CDC73: variants seen among roughly 807,000 people sequenced by gnomAD.
CDC73 encodes parafibromin.
Under a neutral mutation model 83.7 loss-of-function variants are expected in CDC73, and 21 were observed. The ratio of observed to expected loss-of-function variants is 0.25; its 90% CI spans 0.18 to 0.36. CDC73 has a LOEUF of 0.36. CDC73 is among the 10% of genes least tolerant of loss of function. CDC73 has a pLI of 1.00. For missense variants in CDC73, 342 were observed against 653.3 expected, an observed-to-expected ratio of 0.52 and a Z score of 5.19; for synonymous variants, 224 against 212.9, an observed-to-expected ratio of 1.05 and a Z score of -0.45.
Position 193,187,537 on chromosome 1 carries a change from A to AT in CDC73, c.973-16252dup, listed in dbSNP as rs527294013. 2.6e-3 allele frequency among the ~76,000 whole-genome samples: 400 copies of AT among 152,038 alleles called. 3 individuals are homozygous for AT. The highest frequency in any genetic ancestry group is 6.3e-3 in the Admixed American group (96 of 15,260). ...AGAGCAGTAGGGAAGGTTTTTTTAAATTTTTTGTTGTAGTAAAAAGCCTTT... is the reference window on the plus strand; with the variant it reads ...AGAGCAGTAGGGAAGGTTTTTTTAAATTTTTTTGTTGTAGTAAAAAGCCTTT... On this transcript the variant is annotated intron_variant, in intron 10 of 16. Transcript: ENST00000367435.
chr1:193,241,082 A>T (rs1204514325), intron 15 of CDC73, among the ~76,000 whole-genome samples: 1 of 151,842 alleles, frequency 6.6e-6, no homozygotes, highest in Admixed American at 6.6e-5. Context: ...ATAATTTCTT[A>T]CTTTTTCTGT....
At chr1:193,148,358 G>A (rs1676045935) in intron 8 of CDC73, among the ~76,000 whole-genome samples, 1 of 152,130 alleles carries the variant, frequency 6.6e-6, no homozygotes, top group African/African-American at 2.4e-5. Context: ...CTTGGTGAAT[G>A]TATTTCTCTT....
chr1:193,242,656 A>G (rs1035544991), intron 15 of CDC73, among the ~76,000 whole-genome samples: 2 of 152,146 alleles, frequency 1.3e-5, no homozygotes, highest in Non-Finnish European at 1.5e-5. Flanking sequence ...GATATTTTTA[A>G]TGATAAATGT....
In CDC73 at chr1:193,254,319, T is replaced by TA. The variant is rs1026063039; in HGVS notation, c.*3613dup. On this transcript the variant is annotated 3_prime_UTR_variant, in exon 17 of 17. Transcript: ENST00000367435. ...AAAGTTGGCAGCTGCTCTGTTTCTT[T>TA]AAAAAAGTACAACATGAAAATTTAA... 2.0e-5 allele frequency among the ~76,000 whole-genome samples: 3 copies of TA among 152,062 alleles called. No homozygotes were observed. Among genetic ancestry groups the TA allele is most frequent in the African/African-American group, 7.2e-5 (3 of 41,446 alleles).
At chr1:193,199,629 C>T (rs530112055) in intron 10 of CDC73, among the ~76,000 whole-genome samples, 2 of 149,344 alleles carry the variant, frequency 1.3e-5, no homozygotes, top group South Asian at 2.1e-4. Context: ...AGGAGACTCT[C>T]GAGCTTGGGA....
chr1:193,234,199 A>T (rs1333677053), intron 14 of CDC73, among the ~76,000 whole-genome samples: 7 of 130,484 alleles, frequency 5.4e-5, no homozygotes, highest in South Asian at 2.2e-4. Context: ...ACACACACAC[A>T]CACACACACA....
At chr1:193,242,140 C>G (rs961427238) in intron 15 of CDC73, among the ~76,000 whole-genome samples, 1 of 146,412 alleles carries the variant, frequency 6.8e-6, no homozygotes, top group African/African-American at 2.4e-5. Flanking sequence ...TTCCCCCACC[C>G]CGACTTAGGG....
At chr1:193,177,358 C>CAAAAAAAAAAAAAAAAA (rs10672869) in intron 10 of CDC73, among the ~76,000 whole-genome samples, 6 of 69,514 alleles carry the variant, frequency 8.6e-5, no homozygotes, top group East Asian at 4.9e-4. Context: ...ACTAAAAATA[C>CAAAAAAAAAAAAAAAAA]AAAAAAAAAA....
At chr1:193,247,128 G>A (rs1341102207) in intron 15 of CDC73, among the ~76,000 whole-genome samples, 1 of 152,042 alleles carries the variant, frequency 6.6e-6, no homozygotes, top group African/African-American at 2.4e-5. Context: ...TGAACAAATT[G>A]GTTTGTGGCA....
intron 14 of CDC73, 122 bp downstream of exon 14, chr1:193,233,276 A>T: frequency 1.2e-6 from 1 of 865,944 alleles, no homozygotes. Flanking sequence ...GCCTAGGCAG[A>T]ACTTGAACTC....
At chr1:193,138,405 T>C (rs1222052963) in intron 6 of CDC73, among the ~76,000 whole-genome samples, 2 of 152,234 alleles carry the variant, frequency 1.3e-5, no homozygotes, top group Non-Finnish European at 2.9e-5. Context: ...TTTTAAAAAT[T>C]GCGTTATAAG....
Position 193,122,240 on chromosome 1 carries a change from C to G in CDC73, c.40C>G (p.Gln14Glu), listed in dbSNP as rs1459610351. The part of the protein sequence containing the change: ...VLSVLRQYNI[Q>E]KKEIVVKGDE... ...TAGCGTCCTGCGACAGTACAACATC[C>G]AGAAGAAGGAGATTGTGGTGAAGGG... The change falls in exon 1 of 17, where the codon CAG becomes GAG. Residue 14 changes from glutamine (Q) to glutamate (E), a missense_variant. This residue lies in a region of CDC73 where 99 missense variants were observed against 174.5 expected (regional missense o/e 0.57). Transcript: ENST00000367435. 1 of 1,614,208 alleles carries G rather than the reference C, an allele frequency of 6.2e-7. No individual in the cohort carries two copies. The highest frequency in any genetic ancestry group is 8.5e-7 in the Non-Finnish European group (1 of 1,180,028).
chr1:193,135,337 T>G (rs999173509), intron 3 of CDC73, 54 bp from the exon 4 acceptor site: 1 of 1,341,394 alleles, frequency 7.5e-7, no homozygotes, highest in Non-Finnish European at 1.1e-6. Flanking sequence ...TGTAATAATA[T>G]CCAATATATA....
intron 10 of CDC73, among the ~76,000 whole-genome samples, chr1:193,195,182 A>C (rs1676981532): frequency 6.6e-6 from 1 of 152,142 alleles, no homozygotes. Flanking sequence ...TCACATTAGG[A>C]ATGGGAATCT....
At chr1:193,172,507 T>C (rs1242134341) in intron 10 of CDC73, among the ~76,000 whole-genome samples, 1 of 152,118 alleles carries the variant, frequency 6.6e-6, no homozygotes, top group East Asian at 1.9e-4. Context: ...TGTTCCTACC[T>C]TAAATATGCT....
intron 1 of CDC73, among the ~76,000 whole-genome samples, chr1:193,124,369 G>A (rs564993189): frequency 3.9e-5 from 6 of 152,266 alleles, no homozygotes; most frequent in South Asian, 4.1e-4. Flanking sequence ...AATAATTGAT[G>A]GTGTGTGGTT....
chr1:193,166,274 G>C (rs1676432904), intron 10 of CDC73, among the ~76,000 whole-genome samples: 1 of 151,900 alleles, frequency 6.6e-6, no homozygotes, highest in Non-Finnish European at 1.5e-5. Context: ...CTCAATCACT[G>C]CTCCCACCTC....
At chr1:193,125,785 A>G (rs1675560191) in intron 2 of CDC73, among the ~76,000 whole-genome samples, 1 of 150,086 alleles carries the variant, frequency 6.7e-6, no homozygotes, top group South Asian at 2.1e-4. Flanking sequence ...GCTTCGTGGT[A>G]GTAGGTATCA....
intron 5 of CDC73, among the ~76,000 whole-genome samples, chr1:193,136,308 G>A (rs1675799560): frequency 6.6e-6 from 1 of 152,144 alleles, no homozygotes; most frequent in Non-Finnish European, 1.5e-5. Context: ...TTGGAACAAT[G>A]TGTTATGGGT....
Sources: gnomAD v4.1 joint callset for allele counts (sites outside exome capture counted in the v4.1 genomes callset) on GRCh38, gnomAD v4.1.1 for gene constraint, gnomAD v4.1.1 regional missense constraint, MANE v1.5 for transcripts, NCBI Gene and HGNC (gene_info 2026-07-23, HGNC 2026-07-21) for gene names.